The following VMP1 variants were observed in gnomAD, a reference collection of about 807,000 sequenced individuals.
The protein encoded by VMP1 is vacuole membrane protein 1.
Under a neutral mutation model 56.0 loss-of-function variants are expected in VMP1, and 11 were observed. The observed-to-expected ratio is 0.20, with a 90% CI of 0.12 to 0.32. The LOEUF (loss-of-function observed/expected upper bound fraction) is 0.32, where lower values mean the gene tolerates loss of function less well. VMP1 is among the 10% of genes least tolerant of loss of function. VMP1 has a pLI of 1.00. For missense variants in VMP1, 296 were observed against 490.3 expected, an observed-to-expected ratio of 0.60 and a Z score of 3.74; for synonymous variants, 149 against 165.0, an observed-to-expected ratio of 0.90 and a Z score of 0.74.
intron 10 of VMP1, among the ~76,000 whole-genome samples, chr17:59,818,694 C>T (rs992075751): frequency 6.6e-5 from 10 of 150,588 alleles, no homozygotes; most frequent in South Asian, 2.1e-4. Context: ...GCTGAGAGCG[C>T]GTCATTGCAC....
chr17:59,789,271 C>T (rs993418100), intron 7 of VMP1, among the ~76,000 whole-genome samples: 1 of 148,522 alleles, frequency 6.7e-6, no homozygotes, highest in Non-Finnish European at 1.5e-5. Context: ...AAAAAGGCCC[C>T]TTTTGGCTGG....
chr17:59,763,337 C>T (rs1023096178), intron 5 of VMP1, among the ~76,000 whole-genome samples: 5 of 151,968 alleles, frequency 3.3e-5, no homozygotes, highest in Admixed American at 1.3e-4. Context: ...TTGTAGATTT[C>T]ATGGTTAATC....
At position 59,751,940 on chromosome 17, in the gene VMP1, A is replaced by G. The variant is rs187535773; in HGVS notation, c.414+12993A>G. On this transcript the variant is annotated intron_variant, in intron 5 of 11. Transcript: ENST00000262291. ...AGAGATCTTCCCACCTCAGCCTCCC[A>G]GGTAGCTGGGACTACAGGTGTGCAC... Among the ~76,000 whole-genome samples, 2 of 151,688 alleles carry G rather than the reference A, an allele frequency of 1.3e-5. 1 individual carries two copies. The highest frequency in any genetic ancestry group is 1.3e-4 in the Admixed American group (2 of 15,226).
rs1473675312 is a variant in VMP1 at position 59,783,740 on chromosome 17, C to T, written c.714+9855C>T. 3.9e-5 allele frequency among the ~76,000 whole-genome samples: 6 copies of T among 152,120 alleles called. No homozygotes were observed. In the South Asian group the frequency reaches 8.3e-4, roughly 21 times the overall value. On this transcript the variant is annotated intron_variant, in intron 7 of 11. Transcript: ENST00000262291. Reference sequence around the variant, plus strand: ...TTGATTCTATCTCCATAGTATCTTACATGCCCTCTCTTCTCCCTTCCCGCT... The same window carrying T: ...TTGATTCTATCTCCATAGTATCTTATATGCCCTCTCTTCTCCCTTCCCGCT...
intron 4 of VMP1, among the ~76,000 whole-genome samples, chr17:59,738,263 A>G (rs2035089646): frequency 6.6e-6 from 1 of 152,248 alleles, no homozygotes; most frequent in African/African-American, 2.4e-5. Context: ...TACATGTACA[A>G]CATTACTGAT....
At chr17:59,756,131 A>G (rs1323909065) in intron 5 of VMP1, among the ~76,000 whole-genome samples, 1 of 152,182 alleles carries the variant, frequency 6.6e-6, no homozygotes, top group Non-Finnish European at 1.5e-5. Flanking sequence ...CCCATTGGGA[A>G]TCGATATTTT....
intron 6 of VMP1, among the ~76,000 whole-genome samples, chr17:59,769,240 C>T (rs1444108425): frequency 1.3e-5 from 2 of 151,088 alleles, no homozygotes; most frequent in East Asian, 3.9e-4. Context: ...CTGCAACCTC[C>T]GCCTCCCAGG....
Position 59,710,196 on chromosome 17 carries a change from C to CA in VMP1, c.-27+2458dup, listed in dbSNP as rs542057506. 8.4e-4 allele frequency among the ~76,000 whole-genome samples: 122 copies of CA among 144,396 alleles called. 1 individual carries two copies. Among genetic ancestry groups the CA allele is most frequent in the Non-Finnish European group, 8.4e-4 (55 of 65,632 alleles). The allele number at this position is 144,396 out of a possible 152,430, so 94.7% of individuals were successfully genotyped here. A position where few individuals can be genotyped will look rare whatever the true frequency, so the allele number is the denominator to read the frequency against. On this transcript the variant is annotated intron_variant, in intron 1 of 11. Coordinates refer to ENST00000262291, the MANE Select transcript of VMP1 (RefSeq NM_030938.5). Reference sequence around the variant, plus strand: ...TGGGAGACAGAGCCAGACTCCGTCTCAAAAAAAAAAGAAACATTATTATTT... The same window carrying CA: ...TGGGAGACAGAGCCAGACTCCGTCTCAAAAAAAAAAAGAAACATTATTATTT...
intron 9 of VMP1, among the ~76,000 whole-genome samples, chr17:59,813,021 A>G (rs150746951): frequency 2.2e-4 from 33 of 152,254 alleles, no homozygotes; most frequent in African/African-American, 6.7e-4. Context: ...TTCTATGTTA[A>G]TACCTCTCTA....
intron 7 of VMP1, among the ~76,000 whole-genome samples, chr17:59,797,769 T>G (rs1218718626): frequency 2.0e-5 from 3 of 151,906 alleles, no homozygotes; most frequent in Non-Finnish European, 4.4e-5. Context: ...GTCCCAGCTA[T>G]TCAGGAGGCT....
intron 1 of VMP1, among the ~76,000 whole-genome samples, chr17:59,719,132 A>AC (rs1408256353): frequency 6.6e-6 from 1 of 152,184 alleles, no homozygotes; most frequent in Non-Finnish European, 1.5e-5. Flanking sequence ...AGAGTAGATC[A>AC]CAATTCCTTA....
At chr17:59,836,718 G>GTT (rs1255690580) in intron 10 of VMP1, among the ~76,000 whole-genome samples, 1 of 120,600 alleles carries the variant, frequency 8.3e-6, no homozygotes, top group African/African-American at 3.4e-5. Context: ...TGGGCAGTTT[G>GTT]GTTTTTTTTT....
chr17:59,762,592 A>G (rs138975267), intron 5 of VMP1, among the ~76,000 whole-genome samples: 1 of 152,318 alleles, frequency 6.6e-6, no homozygotes, highest in African/African-American at 2.4e-5. Flanking sequence ...AATATAGTTT[A>G]AACTATGAAC....
intron 5 of VMP1, among the ~76,000 whole-genome samples, chr17:59,749,204 A>T (rs2035550265): frequency 6.6e-6 from 1 of 150,668 alleles, no homozygotes; most frequent in African/African-American, 2.4e-5. Flanking sequence ...CGATCCGCCT[A>T]CCTCAGCCTC....
At chr17:59,754,814 G>A (rs2035776677) in intron 5 of VMP1, among the ~76,000 whole-genome samples, 1 of 152,142 alleles carries the variant, frequency 6.6e-6, no homozygotes, top group African/African-American at 2.4e-5. Flanking sequence ...AAGAAACCAA[G>A]GTCTTCAGGA....
At chr17:59,827,491 A>G (rs1362963353) in intron 10 of VMP1, among the ~76,000 whole-genome samples, 1 of 150,492 alleles carries the variant, frequency 6.6e-6, no homozygotes, top group Non-Finnish European at 1.5e-5. Flanking sequence ...TAATTTTTGT[A>G]TTTTTACTAG....
intron 5 of VMP1, among the ~76,000 whole-genome samples, chr17:59,743,975 T>C (rs749189443): frequency 9.6e-4 from 146 of 152,144 alleles, no homozygotes; most frequent in Non-Finnish European, 2.0e-3. Context: ...GTTCCCAACC[T>C]TAATGGGAAG....
Position 59,839,780 on chromosome 17 carries a change from T to C in VMP1, c.1090T>C (p.Leu364=). 6.2e-7 allele frequency: 1 copy of C among 1,610,266 alleles called. No individual in the cohort carries two copies. The highest frequency in any genetic ancestry group is 1.1e-5 in the South Asian group (1 of 90,112). Residue 364 remains leucine (L), a synonymous_variant, in exon 12 of 12, where the codon TTG becomes CTG. Coordinates refer to ENST00000262291, the MANE Select transcript of VMP1 (RefSeq NM_030938.5). ...EMGTPQGENW[L]SWMFEKLVVV... Reference sequence around the variant, plus strand: ...TTTATTTCTACAGGGAGAAAACTGGTTGTCCTGGATGTTTGAAAAGTTGGT... The same window carrying C: ...TTTATTTCTACAGGGAGAAAACTGGCTGTCCTGGATGTTTGAAAAGTTGGT...
intron 7 of VMP1, among the ~76,000 whole-genome samples, chr17:59,775,771 A>C (rs1167748349): frequency 6.6e-6 from 1 of 152,240 alleles, no homozygotes; most frequent in East Asian, 1.9e-4. Flanking sequence ...GAAAAATATT[A>C]AATGCTAGGC....
Sources: gnomAD v4.1 joint callset for allele counts (sites outside exome capture counted in the v4.1 genomes callset) on GRCh38, gnomAD v4.1.1 for gene constraint, MANE v1.5 for transcripts, NCBI Gene and HGNC (gene_info 2026-07-23, HGNC 2026-07-21) for gene names.